The following PPIP5K1 variants were observed in gnomAD, a reference collection of about 807,000 sequenced individuals.
The protein encoded by PPIP5K1 is inositol hexakisphosphate and diphosphoinositol-pentakisphosphate kinase 1.
In PPIP5K1, 6 loss-of-function variants were observed where a neutral mutation model predicts 27.7. The ratio of observed to expected loss-of-function variants is 0.22; its 90% CI spans 0.12 to 0.43. PPIP5K1 has a LOEUF of 0.43. Among genes scored for constraint, PPIP5K1 ranks in the 20% least tolerant of loss-of-function variants. The pLI, the probability that PPIP5K1 is intolerant of heterozygous loss-of-function variation, is 1.00. For synonymous variants in PPIP5K1, 145 were observed against 242.6 expected, an observed-to-expected ratio of 0.60 and a Z score of 3.74; for missense variants, 394 against 635.4, an observed-to-expected ratio of 0.62 and a Z score of 4.08.
chr15:43,558,664 A>T, intron 30 of PPIP5K1, 131 bp downstream of exon 30: 1 of 1,287,442 alleles, frequency 7.8e-7, no homozygotes, highest in Non-Finnish European at 1.1e-6. Flanking sequence ...GCCAGCAATT[A>T]TACATTTTTA....
chr15:43,549,362 G>A (rs955287275), intron 30 of PPIP5K1, among the ~76,000 whole-genome samples: 1 of 152,018 alleles, frequency 6.6e-6, no homozygotes, highest in Non-Finnish European at 1.5e-5. Flanking sequence ...GTTCATTGCT[G>A]GTGTATATAA....
At chr15:43,558,098 G>C (rs1307167912) in intron 30 of PPIP5K1, among the ~76,000 whole-genome samples, 1 of 143,534 alleles carries the variant, frequency 7.0e-6, no homozygotes, top group Non-Finnish European at 1.5e-5. Context: ...GTCTCGCTCT[G>C]TCACCCAGGC....
chr15:43,554,707 C>T (rs2082700667), intron 30 of PPIP5K1, among the ~76,000 whole-genome samples: 1 of 151,028 alleles, frequency 6.6e-6, no homozygotes, highest in Non-Finnish European at 1.5e-5. Flanking sequence ...AACAAAACAA[C>T]ATGAGAGAAT....
intron 30 of PPIP5K1, among the ~76,000 whole-genome samples, chr15:43,545,705 AC>A (rs1427057941): frequency 6.6e-6 from 1 of 151,740 alleles, no homozygotes; most frequent in African/African-American, 2.4e-5. Context: ...GGCTTTCCTT[AC>A]TTTCAGATGA....
intron 30 of PPIP5K1, among the ~76,000 whole-genome samples, chr15:43,545,344 T>C (rs1486144483): frequency 6.6e-6 from 1 of 152,160 alleles, no homozygotes; most frequent in Non-Finnish European, 1.5e-5. Context: ...TGTCAAACTT[T>C]TGGATTTTTT....
Position 43,535,112 on chromosome 15 carries a change from T to C in PPIP5K1, c.4035A>G (p.Gln1345=). 1 of 1,613,916 alleles carries C rather than the reference T, an allele frequency of 6.2e-7. No homozygotes were observed. The highest frequency in any genetic ancestry group is 1.1e-5 in the South Asian group (1 of 91,062). Residue 1345 remains glutamine, a synonymous_variant, in exon 32 of 32, where the codon CAA becomes CAG. Transcript: ENST00000420765. ...TACCATTGTCATGGTTCTCCTGGCATTGCTGGCTGATGTCAGGGACCTTCT... is the reference window on the plus strand; with the variant it reads ...TACCATTGTCATGGTTCTCCTGGCACTGCTGGCTGATGTCAGGGACCTTCT... The part of the protein sequence containing the change: ...PCQKVPDISQ[Q]CQENHDNGNH...
At chr15:43,545,542 A>G (rs974437048) in intron 30 of PPIP5K1, among the ~76,000 whole-genome samples, 8 of 149,986 alleles carry the variant, frequency 5.3e-5, no homozygotes, top group Non-Finnish European at 1.0e-4. Context: ...TAGTAGCACA[A>G]TCACAGCTCA....
At chr15:43,557,126 TC>T (rs2083065308) in intron 30 of PPIP5K1, among the ~76,000 whole-genome samples, 1 of 152,122 alleles carries the variant, frequency 6.6e-6, no homozygotes, top group Non-Finnish European at 1.5e-5. Flanking sequence ...AAATGCCTAT[TC>T]AATTTACCCC....
chr15:43,535,767 T>G (rs2079765078), intron 31 of PPIP5K1, among the ~76,000 whole-genome samples: 1 of 152,184 alleles, frequency 6.6e-6, no homozygotes, highest in South Asian at 2.1e-4. Context: ...CCATCCCAAT[T>G]CCAAGTTCCC....
At chr15:43,552,577 G>T (rs2082357257) in intron 30 of PPIP5K1, among the ~76,000 whole-genome samples, 1 of 150,572 alleles carries the variant, frequency 6.6e-6, no homozygotes. Flanking sequence ...AAAATTAGCT[G>T]GGTGTGGTGG....
At chr15:43,553,363 A>G (rs1458258611) in intron 30 of PPIP5K1, among the ~76,000 whole-genome samples, 4 of 151,396 alleles carry the variant, frequency 2.6e-5, no homozygotes, top group African/African-American at 9.7e-5. Flanking sequence ...TAATAGAGAC[A>G]GGATCTCACT....
chr15:43,544,638 T>A (rs2081146699), intron 30 of PPIP5K1, among the ~76,000 whole-genome samples: 1 of 152,078 alleles, frequency 6.6e-6, no homozygotes, highest in Non-Finnish European at 1.5e-5. Context: ...CTACAAAAAA[T>A]TTTAAAAATT....
At chr15:43,551,592 T>C (rs2082194439) in intron 30 of PPIP5K1, among the ~76,000 whole-genome samples, 1 of 146,644 alleles carries the variant, frequency 6.8e-6, no homozygotes, top group Admixed American at 6.8e-5. Flanking sequence ...TTAGACTTTC[T>C]ACTTCTTGAT....
rs555232804 is a variant in PPIP5K1 at position 43,581,242 on chromosome 15, G to T, written c.924C>A (p.Val308=). 42 of 1,610,562 alleles carry T rather than the reference G, an allele frequency of 2.6e-5. 1 individual carries two copies. Among genetic ancestry groups the T allele is most frequent in the Non-Finnish European group, 1.7e-6 (2 of 1,179,794 alleles). Residue 308 remains valine, a synonymous_variant, in exon 9 of 32, where the codon GTC becomes GTA. Transcript: ENST00000420765. ...TAMEKLVARK[V]CVAFKQTVCG... ...CCTCCTCTACCTTGAAAGCTACGCAGACTTTCCTGGCCACCAGCTTTTCCA... is the reference window on the plus strand; with the variant it reads ...CCTCCTCTACCTTGAAAGCTACGCATACTTTCCTGGCCACCAGCTTTTCCA...
intron 30 of PPIP5K1, among the ~76,000 whole-genome samples, chr15:43,556,790 C>T (rs187297585): frequency 1.3e-5 from 2 of 152,202 alleles, no homozygotes; most frequent in African/African-American, 2.4e-5. Context: ...ACATTGAGAA[C>T]GTGGGCTGTC....
At chr15:43,580,590 T>C (rs1205293463) in intron 10 of PPIP5K1, among the ~76,000 whole-genome samples, 1 of 127,208 alleles carries the variant, frequency 7.9e-6, no homozygotes, top group African/African-American at 3.9e-5. Context: ...ATTTAATTAA[T>C]TAATTAATTT....
chr15:43,538,121 T>C (rs911214051), intron 31 of PPIP5K1, among the ~76,000 whole-genome samples: 2 of 152,160 alleles, frequency 1.3e-5, no homozygotes, highest in Non-Finnish European at 2.9e-5. Context: ...GGAAAGTTTC[T>C]TCCTCAAACA....
chr15:43,551,338 C>G (rs543596481), intron 30 of PPIP5K1, among the ~76,000 whole-genome samples: 2 of 151,524 alleles, frequency 1.3e-5, no homozygotes, highest in Non-Finnish European at 2.9e-5. Context: ...GCCAACACGG[C>G]GAAACCCCGT....
At chr15:43,536,011 T>C (rs1455055112) in intron 31 of PPIP5K1, 4 of 1,070,950 alleles carry the variant, frequency 3.7e-6, no homozygotes, top group Admixed American at 2.9e-5. Flanking sequence ...TAAGAATCAT[T>C]CTTTAAAGCA....
Sources: allele counts gnomAD v4.1 joint callset (sites outside exome capture counted in the v4.1 genomes callset), GRCh38; gene constraint gnomAD v4.1.1; transcripts MANE v1.5; gene names NCBI Gene and HGNC (gene_info 2026-07-23, HGNC 2026-07-21).